The following BMPER variants were observed in gnomAD, a reference collection of about 807,000 sequenced individuals.
BMPER encodes the protein BMP-binding endothelial regulator protein.
In BMPER, 45 loss-of-function variants were observed where a neutral mutation model predicts 87.3. The observed-to-expected ratio is 0.52, with a 90% CI of 0.41 to 0.66. The LOEUF is 0.66. BMPER is among the 30% of genes least tolerant of loss of function. The probability of loss-of-function intolerance (pLI) is 0.00; values close to 1 mark genes in which losing one functional copy is unlikely to be tolerated. For missense variants in BMPER, 784 were observed against 867.5 expected (o/e 0.90, Z 1.21); for synonymous variants, 326 against 316.2 (o/e 1.03, Z -0.33).
chr7:33,914,211 C>T (rs1233671111), intron 2 of BMPER, among the ~76,000 whole-genome samples: 3 of 151,986 alleles, frequency 2.0e-5, no homozygotes, highest in Admixed American at 6.6e-5. Flanking sequence ...GTGATCTGCC[C>T]GCCTCGGTCT....
chr7:34,112,389 G>A (rs1215958836), intron 13 of BMPER, among the ~76,000 whole-genome samples: 1 of 150,468 alleles, frequency 6.6e-6, no homozygotes, highest in African/African-American at 2.4e-5. Flanking sequence ...CCAGCTACTC[G>A]GGAGGCTGAG....
intron 3 of BMPER, among the ~76,000 whole-genome samples, chr7:33,962,887 C>T (rs1477446124): frequency 6.6e-6 from 1 of 151,882 alleles, no homozygotes; most frequent in African/African-American, 2.4e-5. Flanking sequence ...CAGTCACTTA[C>T]TCTTTTATTT....
intron 11 of BMPER, among the ~76,000 whole-genome samples, chr7:34,071,443 G>T (rs951423910): frequency 1.3e-5 from 2 of 152,188 alleles, no homozygotes; most frequent in Non-Finnish European, 2.9e-5. Flanking sequence ...GCAAAATCAG[G>T]ATTCAAACAC....
chr7:34,028,166 C>T (rs1370966363), intron 6 of BMPER, among the ~76,000 whole-genome samples: 2 of 151,788 alleles, frequency 1.3e-5, no homozygotes, highest in African/African-American at 4.8e-5. Context: ...GATGCCACAC[C>T]CAAAACAACA....
chr7:34,108,852 A>G (rs569277951), intron 13 of BMPER, among the ~76,000 whole-genome samples: 1 of 152,308 alleles, frequency 6.6e-6, no homozygotes, highest in Admixed American at 6.5e-5. Context: ...ACATAGGTCT[A>G]ATTTTCACCC....
At chr7:33,917,128 A>C (rs907117816) in intron 2 of BMPER, among the ~76,000 whole-genome samples, 1 of 152,180 alleles carries the variant, frequency 6.6e-6, no homozygotes, top group South Asian at 2.1e-4. Context: ...CAGGAGGTAT[A>C]GACAAGGAAG....
intron 2 of BMPER, among the ~76,000 whole-genome samples, chr7:33,925,657 A>G (rs1230297666): frequency 6.6e-6 from 1 of 152,202 alleles, no homozygotes; most frequent in Non-Finnish European, 1.5e-5. Flanking sequence ...TTCATAGAGC[A>G]AGAAAATCGT....
At chr7:34,008,141 AT>A (rs1562686079) in intron 6 of BMPER, among the ~76,000 whole-genome samples, 1 of 152,048 alleles carries the variant, frequency 6.6e-6, no homozygotes, top group Non-Finnish European at 1.5e-5. Context: ...ATGTTAAAAT[AT>A]AACAATCAAA....
chr7:34,077,367 G>A (rs918427371), intron 11 of BMPER, among the ~76,000 whole-genome samples: 1 of 152,114 alleles, frequency 6.6e-6, no homozygotes, highest in East Asian at 1.9e-4. Context: ...AAGGAAAAGC[G>A]ACCAAGAAAG....
At chr7:34,035,887 A>T (rs778948820) in intron 6 of BMPER, among the ~76,000 whole-genome samples, 9 of 152,352 alleles carry the variant, frequency 5.9e-5, no homozygotes, top group Non-Finnish European at 1.3e-4. Flanking sequence ...AAAGGTCAAC[A>T]GAAAGTTTTA....
chr7:34,020,299 C>G (rs1787145042), intron 6 of BMPER, among the ~76,000 whole-genome samples: 1 of 151,916 alleles, frequency 6.6e-6, no homozygotes, highest in Non-Finnish European at 1.5e-5. Flanking sequence ...TTCAGTGTTT[C>G]CTGCCTACTG....
At chr7:34,136,491 T>A (rs1790722684) in intron 13 of BMPER, among the ~76,000 whole-genome samples, 1 of 152,032 alleles carries the variant, frequency 6.6e-6, no homozygotes, top group African/African-American at 2.4e-5. Flanking sequence ...AAATGTGAGT[T>A]TTTTAATAGG....
intron 6 of BMPER, among the ~76,000 whole-genome samples, chr7:33,996,369 T>A (rs758543304): frequency 1.3e-5 from 2 of 152,202 alleles, no homozygotes; most frequent in Non-Finnish European, 2.9e-5. Context: ...TATGGTTACC[T>A]GCTTAAATTC....
intron 6 of BMPER, among the ~76,000 whole-genome samples, chr7:34,025,786 T>G (rs919647677): frequency 2.6e-5 from 4 of 151,960 alleles, no homozygotes; most frequent in African/African-American, 9.7e-5. Context: ...GAGCCTGGAG[T>G]GTGTTCTTGT....
intron 13 of BMPER, among the ~76,000 whole-genome samples, chr7:34,096,632 G>T (rs1308580643): frequency 6.6e-6 from 1 of 152,066 alleles, no homozygotes; most frequent in Non-Finnish European, 1.5e-5. Flanking sequence ...TTGCTGCACT[G>T]TCCATGACAC....
At position 34,013,007 on chromosome 7, in the gene BMPER, C is replaced by T. The variant is rs1786923183; in HGVS notation, c.577-33299C>T. ...TTGGCTGTCAGACTTCTGGAATCCCCAGATGTTTCAGCCCAGAAACCCTGG... is the reference window on the plus strand; with the variant it reads ...TTGGCTGTCAGACTTCTGGAATCCCTAGATGTTTCAGCCCAGAAACCCTGG... On this transcript the variant is annotated intron_variant, in intron 6 of 14. Coordinates refer to ENST00000649409, the MANE Select transcript of BMPER (RefSeq NM_001365308.1). 2.6e-5 allele frequency among the ~76,000 whole-genome samples: 4 copies of T among 151,994 alleles called. No homozygotes were observed. In the South Asian group the frequency reaches 8.3e-4, roughly 32 times the overall value.
chr7:33,953,168 C>T (rs1785067310), intron 3 of BMPER, among the ~76,000 whole-genome samples: 1 of 152,172 alleles, frequency 6.6e-6, no homozygotes, highest in Non-Finnish European at 1.5e-5. Flanking sequence ...GCATGGCCAC[C>T]TTGATGAGGC....
At chr7:33,945,565 T>C (rs1784873478) in intron 3 of BMPER, among the ~76,000 whole-genome samples, 1 of 152,074 alleles carries the variant, frequency 6.6e-6, no homozygotes, top group African/African-American at 2.4e-5. Context: ...GTTACTGCTT[T>C]TATCTACCAA....
At chr7:33,997,419 C>G (rs1786443559) in intron 6 of BMPER, among the ~76,000 whole-genome samples, 1 of 152,114 alleles carries the variant, frequency 6.6e-6, no homozygotes, top group African/African-American at 2.4e-5. Flanking sequence ...GCAGTTTCCC[C>G]CATGATATTC....
Sources: allele counts gnomAD v4.1 joint callset (sites outside exome capture counted in the v4.1 genomes callset), GRCh38; gene constraint gnomAD v4.1.1; transcripts MANE v1.5; gene names NCBI Gene and HGNC (gene_info 2026-07-23, HGNC 2026-07-21).